Variants in NALF1 observed in about 807,000 individuals in gnomAD.
The protein encoded by NALF1 is NALCN channel auxiliary factor 1.
In NALF1, 3 loss-of-function variants were observed where a neutral mutation model predicts 48.4. The ratio of observed to expected loss-of-function variants is 0.06; its 90% CI spans 0.03 to 0.16. NALF1 has a LOEUF of 0.16. Among genes scored for constraint, NALF1 ranks in the 10% least tolerant of loss-of-function variants. The pLI is 1.00. For synonymous variants in NALF1, 262 were observed against 245.7 expected (o/e 1.07, Z -0.62); for missense variants, 526 against 571.5 (o/e 0.92, Z 0.81).
At chr13:107,406,652 A>T (rs568058938) in intron 1 of NALF1, among the ~76,000 whole-genome samples, 2 of 152,138 alleles carry the variant, frequency 1.3e-5, no homozygotes, top group South Asian at 4.1e-4. Context: ...ATAGAATGCC[A>T]TTCTTTACAG....
chr13:107,773,570 A>G lies in NALF1; in HGVS notation c.915+92112T>C, dbSNP rs143795886. On this transcript the variant is annotated intron_variant, in intron 1 of 2. Transcript: ENST00000375915. Reference sequence around the variant, plus strand: ...TTTCTAAAACCAAGTATTATTCTACAAAGATCTCTTATTTTTAACAACAGT... The same window carrying G: ...TTTCTAAAACCAAGTATTATTCTACGAAGATCTCTTATTTTTAACAACAGT... Among the ~76,000 whole-genome samples the G allele has an allele frequency of 7.2e-3, 1,092 of 152,026 alleles. 11 individuals carry two copies. Among genetic ancestry groups the G allele is most frequent in the African/African-American group, 0.025 (1,053 of 41,468 alleles).
At chr13:107,708,250 G>T (rs995190357) in intron 1 of NALF1, among the ~76,000 whole-genome samples, 1 of 152,090 alleles carries the variant, frequency 6.6e-6, no homozygotes, top group Non-Finnish European at 1.5e-5. Context: ...TCCTTATTTA[G>T]AAACTACAAC....
chr13:107,276,859 T>C (rs767504944), intron 1 of NALF1, among the ~76,000 whole-genome samples: 1 of 152,154 alleles, frequency 6.6e-6, no homozygotes, highest in Non-Finnish European at 1.5e-5. Context: ...TTAGCTAATA[T>C]AAGAATTTTA....
At chr13:107,223,582 T>A (rs934003535) in intron 1 of NALF1, among the ~76,000 whole-genome samples, 5 of 152,158 alleles carry the variant, frequency 3.3e-5, no homozygotes, top group Non-Finnish European at 7.3e-5. Flanking sequence ...GTTCCATAAT[T>A]CAAATGAAGA....
chr13:107,754,266 C>T (rs2039955), intron 1 of NALF1, among the ~76,000 whole-genome samples: 12,699 of 151,576 alleles, frequency 0.084, 653 homozygotes, highest in East Asian at 0.17. Flanking sequence ...ACAAACCTTT[C>T]ATTTGATTTG....
chr13:107,829,238 G>C (rs1167074750), intron 1 of NALF1, among the ~76,000 whole-genome samples: 1 of 152,138 alleles, frequency 6.6e-6, no homozygotes, highest in African/African-American at 2.4e-5. Context: ...CCTACATCCA[G>C]CTTCCATATT....
intron 1 of NALF1, among the ~76,000 whole-genome samples, chr13:107,680,868 G>T (rs1413158022): frequency 9.1e-6 from 1 of 109,848 alleles, no homozygotes; most frequent in Non-Finnish European, 2.2e-5. Flanking sequence ...GTGTGCAAAT[G>T]TAAGGGTGTG....
At chr13:107,841,284 A>G (rs920657457) in intron 1 of NALF1, among the ~76,000 whole-genome samples, 1 of 152,168 alleles carries the variant, frequency 6.6e-6, no homozygotes, top group Non-Finnish European at 1.5e-5. Flanking sequence ...GTCACTGCCC[A>G]AACTACTGGC....
In NALF1 at chr13:107,346,397, T is replaced by C. The variant is rs568007654; in HGVS notation, c.916-135642A>G. Among the ~76,000 whole-genome samples the C allele has an allele frequency of 1.9e-4, 29 of 152,272 alleles. No individual in the cohort carries two copies. The South Asian group carries it at 5.0e-3, about 26-fold the overall frequency. On this transcript the variant is annotated intron_variant, in intron 1 of 2. Transcript: ENST00000375915. ...ACCTAAATGTACATCCACAGATGAA[T>C]GAAGAAAATATGGTGTATACGCATG...
chr13:107,203,505 T>C (rs2138796773), intron 2 of NALF1, among the ~76,000 whole-genome samples: 1 of 152,322 alleles, frequency 6.6e-6, no homozygotes. Context: ...TCAGAGGGCC[T>C]GAAAATATTT....
At chr13:107,454,233 C>T (rs1884788613) in intron 1 of NALF1, among the ~76,000 whole-genome samples, 2 of 152,140 alleles carry the variant, frequency 1.3e-5, no homozygotes. Flanking sequence ...CTGCTGGTAC[C>T]AATTTACCAT....
chr13:107,477,598 G>C (rs1874488938), intron 1 of NALF1, among the ~76,000 whole-genome samples: 1 of 151,922 alleles, frequency 6.6e-6, no homozygotes, highest in African/African-American at 2.4e-5. Flanking sequence ...AGCTTTGCTT[G>C]ATCAACAGGT....
At chr13:107,306,857 T>C (rs1319238436) in intron 1 of NALF1, among the ~76,000 whole-genome samples, 2 of 152,086 alleles carry the variant, frequency 1.3e-5, no homozygotes, top group African/African-American at 4.8e-5. Context: ...CTCAGCTACT[T>C]TGGAGGCTGA....
chr13:107,281,969 T>C (rs1268955696), intron 1 of NALF1, among the ~76,000 whole-genome samples: 1 of 152,112 alleles, frequency 6.6e-6, no homozygotes, highest in Non-Finnish European at 1.5e-5. Flanking sequence ...GTGGGGAATA[T>C]GGAGATTATA....
intron 1 of NALF1, among the ~76,000 whole-genome samples, chr13:107,231,052 C>A (rs1227625638): frequency 2.9e-5 from 3 of 105,142 alleles, no homozygotes; most frequent in African/African-American, 1.3e-4. Flanking sequence ...CAGAGCAAGA[C>A]CCGGCCAAAA....
Position 107,282,675 on chromosome 13 carries a change from C to T in NALF1, c.916-71920G>A, listed in dbSNP as rs1011719832. Among the ~76,000 whole-genome samples, 9 of 151,964 alleles carry T rather than the reference C, an allele frequency of 5.9e-5. No homozygotes were observed. In the East Asian group the frequency reaches 1.8e-3, roughly 30 times the overall value. ...ACCTTCCGGCCAACTTTTGGGGAGG[C>T]CCCTGTGATGAGGTCCTGCGGCCTC... is the stretch of plus-strand genomic sequence containing the variant. On this transcript the variant is annotated intron_variant, in intron 1 of 2. Transcript: ENST00000375915.
intron 1 of NALF1, among the ~76,000 whole-genome samples, chr13:107,292,691 G>A (rs1881646675): frequency 6.6e-6 from 1 of 152,158 alleles, no homozygotes; most frequent in Non-Finnish European, 1.5e-5. Flanking sequence ...AATACCTATT[G>A]ATGAACCTGC....
chr13:107,586,646 T>TTTTTTTTTTTTTTTG, intron 1 of NALF1, among the ~76,000 whole-genome samples: 1 of 145,184 alleles, frequency 6.9e-6, no homozygotes, highest in African/African-American at 2.6e-5. Flanking sequence ...TTTTTTTTTT[T>TTTTTTTTTTTTTTTG]TTTGCTAGGA....
chr13:107,527,496 C>T lies in NALF1; in HGVS notation c.916-316741G>A, dbSNP rs930605398. Among the ~76,000 whole-genome samples the T allele has an allele frequency of 4.6e-5, 7 of 152,246 alleles. No individual in the cohort carries two copies. The South Asian group carries it at 1.0e-3, about 23-fold the overall frequency. On this transcript the variant is annotated intron_variant, in intron 1 of 2. Transcript: ENST00000375915. Reference sequence around the variant, plus strand: ...GCATGCAAGTATGCACACACAAACACAAACATACACGTTTTCCATGGCTGA... The same window carrying T: ...GCATGCAAGTATGCACACACAAACATAAACATACACGTTTTCCATGGCTGA...
Sources: allele counts gnomAD v4.1 joint callset (sites outside exome capture counted in the v4.1 genomes callset), GRCh38; gene constraint gnomAD v4.1.1; transcripts MANE v1.5; gene names NCBI Gene and HGNC (gene_info 2026-07-23, HGNC 2026-07-21).